ITSN1: variants seen among roughly 807,000 people sequenced by gnomAD.
ITSN1 encodes the protein intersectin-1.
ITSN1 carries 58 observed loss-of-function variants against 239.8 expected under a neutral mutation model. The observed-to-expected ratio is 0.24, with a 90% confidence interval of 0.20 to 0.30. The LOEUF (loss-of-function observed/expected upper bound fraction) is 0.30, where lower values mean the gene tolerates loss of function less well. Among genes scored for constraint, ITSN1 ranks in the 10% least tolerant of loss-of-function variants. ITSN1 has a pLI of 1.00. For missense variants in ITSN1, 1,558 were observed against 2,103.3 expected (o/e 0.74, Z 5.07); for synonymous variants, 780 against 770.8 (o/e 1.01, Z -0.20).
intron 29 of ITSN1, among the ~76,000 whole-genome samples, chr21:33,839,408 C>A (rs182951308): frequency 1.9e-4 from 29 of 152,016 alleles, no homozygotes; most frequent in African/African-American, 6.8e-4. Flanking sequence ...TGAGCTGAGA[C>A]CTGAAGAGTA....
intron 29 of ITSN1, among the ~76,000 whole-genome samples, chr21:33,840,240 G>A (rs1180370091): frequency 1.3e-5 from 2 of 152,178 alleles, no homozygotes; most frequent in Non-Finnish European, 2.9e-5. Flanking sequence ...AGAAAATTGA[G>A]TACAAGGGAA....
intron 5 of ITSN1, among the ~76,000 whole-genome samples, chr21:33,746,940 G>C (rs1449792907): frequency 1.3e-5 from 2 of 152,134 alleles, no homozygotes; most frequent in African/African-American, 2.4e-5. Context: ...GATCACCCGA[G>C]GTTAGAAGTT....
rs531759895 is a variant in ITSN1, at chr21:33,774,620, T to C, written c.1306-109T>C. 20 of 983,508 alleles carry C rather than the reference T, an allele frequency of 2.0e-5. No individual in the cohort carries two copies. In the East Asian group the frequency reaches 4.7e-4, roughly 23 times the overall value. 60.9% of individuals were successfully genotyped at this position (983,508 alleles called of 1,614,324 possible). A position where few individuals can be genotyped will look rare whatever the true frequency, so the allele number is the denominator to read the frequency against. ...TTCTAATGTGATTTCTTGTAATGTTTAATATTTCATCCCTAAAAGGAAAGA... is the reference window on the plus strand; with the variant it reads ...TTCTAATGTGATTTCTTGTAATGTTCAATATTTCATCCCTAAAAGGAAAGA... On this transcript the variant is annotated intron_variant, in intron 12 of 39. Transcript: ENST00000381318.
In ITSN1 at chr21:33,885,270, A is replaced by C. The variant is rs547015735; in HGVS notation, c.4759+147A>C. On this transcript the variant is annotated intron_variant, in intron 37 of 39. Coordinates refer to ENST00000381318, the MANE Select transcript of ITSN1 (RefSeq NM_003024.3). ...TGGAAGTGAGCTTGGGGTGGGATGC[A>C]GATGGGGATGGAGGGCAAATTCCAG... The C allele has an allele frequency of 4.7e-5, 45 of 951,130 alleles. No homozygotes were observed. In the South Asian group the frequency reaches 6.0e-4, roughly 13 times the overall value. The allele number at this position is 951,130 out of a possible 1,614,324, so 58.9% of individuals were successfully genotyped here.
intron 1 of ITSN1, among the ~76,000 whole-genome samples, chr21:33,672,428 A>T (rs918197516): frequency 2.0e-5 from 3 of 152,142 alleles, no homozygotes; most frequent in Admixed American, 6.5e-5. Flanking sequence ...ACAATGAGGT[A>T]CCACCTCCAA....
intron 5 of ITSN1, 42 bp from the exon 6 acceptor site, chr21:33,750,101 G>C: frequency 6.3e-7 from 1 of 1,578,518 alleles, no homozygotes; most frequent in South Asian, 1.1e-5. Context: ...GTGTTGAAAT[G>C]TGATTGGATG....
chr21:33,690,294 A>G (rs945621272), intron 1 of ITSN1, among the ~76,000 whole-genome samples: 8 of 151,296 alleles, frequency 5.3e-5, no homozygotes, highest in Admixed American at 2.0e-4. Context: ...AATTAAAAAT[A>G]AATGAACAAA....
chr21:33,884,328 G>A (rs377482257), intron 36 of ITSN1, among the ~76,000 whole-genome samples: 4 of 152,096 alleles, frequency 2.6e-5, no homozygotes, highest in Non-Finnish European at 4.4e-5. Context: ...AAGTAATTTC[G>A]GGGTTAATAG....
chr21:33,666,565 G>C (rs2089945506), intron 1 of ITSN1, among the ~76,000 whole-genome samples: 1 of 152,186 alleles, frequency 6.6e-6, no homozygotes, highest in South Asian at 2.1e-4. Flanking sequence ...TTTAGGCTAA[G>C]ATCATTTGCA....
At chr21:33,833,749 G>A (rs1002373884) in intron 27 of ITSN1, among the ~76,000 whole-genome samples, 1 of 152,006 alleles carries the variant, frequency 6.6e-6, no homozygotes, top group Admixed American at 6.6e-5. Flanking sequence ...CGGTGTGCCT[G>A]TAGTCCCAGC....
intron 1 of ITSN1, among the ~76,000 whole-genome samples, chr21:33,680,490 C>T (rs186022463): frequency 6.6e-6 from 1 of 152,164 alleles, no homozygotes; most frequent in East Asian, 1.9e-4. Context: ...CACCACCACA[C>T]CCGGCTAATT....
rs917450404 is a variant in ITSN1 at position 33,894,593 on chromosome 21, C to G, written c.*6293C>G. ...TCTCTGATATTTCCTGAGGATTAAC[C>G]AGAAACTAAGGTTTCTTTTTAGGCA... On this transcript the variant is annotated 3_prime_UTR_variant, in exon 40 of 40. Transcript: ENST00000381318. The G allele has an allele frequency of 8.6e-5, 13 of 151,322 alleles. No homozygotes were observed. The highest frequency in any genetic ancestry group is 1.9e-4 in the Non-Finnish European group (13 of 67,930). 9.4% of individuals were successfully genotyped at this position (151,322 alleles called of 1,614,324 possible). A position where few individuals can be genotyped will look rare whatever the true frequency, so the allele number is the denominator to read the frequency against.
chr21:33,824,791 G>A (rs2073888660), intron 25 of ITSN1, among the ~76,000 whole-genome samples: 1 of 152,080 alleles, frequency 6.6e-6, no homozygotes, highest in African/African-American at 2.4e-5. Context: ...TTTGCTTTTT[G>A]GTTTTTCTTG....
intron 16 of ITSN1, among the ~76,000 whole-genome samples, chr21:33,784,843 A>G (rs997794328): frequency 1.3e-5 from 2 of 152,228 alleles, no homozygotes; most frequent in African/African-American, 4.8e-5. Flanking sequence ...GGATGAAGAG[A>G]TAGGCCAGGA....
intron 30 of ITSN1, 150 bp downstream of exon 30, chr21:33,857,007 T>C: frequency 1.4e-6 from 1 of 706,872 alleles, no homozygotes; most frequent in Non-Finnish European, 2.4e-6. Context: ...CTATAGGAGA[T>C]TGCGACCGCA....
intron 1 of ITSN1, among the ~76,000 whole-genome samples, chr21:33,708,452 G>A (rs1055509615): frequency 7.9e-5 from 12 of 151,792 alleles, no homozygotes; most frequent in African/African-American, 2.2e-4. Context: ...GCAATGGCGC[G>A]ATCTCGGCTC....
intron 39 of ITSN1, among the ~76,000 whole-genome samples, chr21:33,886,797 A>G (rs1019850016): frequency 1.3e-5 from 2 of 152,212 alleles, no homozygotes; most frequent in Admixed American, 6.5e-5. Flanking sequence ...TGTGCTGGCA[A>G]TGGATGAAAC....
At chr21:33,768,073 T>C (rs2068847126) in intron 11 of ITSN1, among the ~76,000 whole-genome samples, 1 of 152,186 alleles carries the variant, frequency 6.6e-6, no homozygotes, top group South Asian at 2.1e-4. Context: ...GAAATCTGAT[T>C]ATAAACTGCT....
At chr21:33,874,156 CAAAAAAAAAA>C (rs778588764) in intron 33 of ITSN1, among the ~76,000 whole-genome samples, 2 of 29,202 alleles carry the variant, frequency 6.8e-5, no homozygotes, top group African/African-American at 2.3e-4. Context: ...AACTCCGTCT[CAAAAAAAAAA>C]AAAAAAAAAA....
Sources: gnomAD v4.1 joint callset for allele counts (sites outside exome capture counted in the v4.1 genomes callset) on GRCh38, gnomAD v4.1.1 for gene constraint, MANE v1.5 for transcripts, NCBI Gene and HGNC (gene_info 2026-07-23, HGNC 2026-07-21) for gene names.